SGIP1: variants seen among roughly 807,000 people sequenced by gnomAD.
SGIP1 encodes SH3GL interacting endocytic adaptor 1.
SGIP1 carries 38 observed loss-of-function variants against 107.5 expected under a neutral mutation model. That is an observed-to-expected ratio of 0.35 (90% CI 0.27 to 0.46). The LOEUF (loss-of-function observed/expected upper bound fraction) is 0.46, where lower values mean the gene tolerates loss of function less well. Ranked by LOEUF, SGIP1 falls within the 20% of genes least tolerant of loss-of-function variation. The pLI, the probability that SGIP1 is intolerant of heterozygous loss-of-function variation, is 1.00. For synonymous variants in SGIP1, 365 were observed against 366.1 expected (o/e 1.00, Z 0.03); for missense variants, 929 against 1,019.5 (o/e 0.91, Z 1.21).
intron 8 of SGIP1, among the ~76,000 whole-genome samples, chr1:66,665,557 A>C (rs1419259598): frequency 1.3e-5 from 2 of 152,230 alleles, no homozygotes; most frequent in Admixed American, 6.5e-5. Flanking sequence ...ACTGCCTTCC[A>C]CAATGGTTGA....
intron 1 of SGIP1, among the ~76,000 whole-genome samples, chr1:66,614,398 G>A (rs1012557321): frequency 6.6e-6 from 1 of 152,188 alleles, no homozygotes; most frequent in Non-Finnish European, 1.5e-5. Flanking sequence ...AGGATGGATG[G>A]ATGGAGGACA....
At chr1:66,719,257 A>ATTTTCAAAATAAATGAAAAT in intron 18 of SGIP1, 37 bp from the exon 19 acceptor site, 1 of 1,441,490 alleles carries the variant, frequency 6.9e-7, no homozygotes, top group Non-Finnish European at 9.7e-7. Flanking sequence ...AGTGTCTCCT[A>ATTTTCAAAATAAATGAAAAT]TTTTCATAAT....
intron 1 of SGIP1, 56 bp downstream of exon 1, chr1:66,534,424 C>G (rs771669419): frequency 6.1e-5 from 98 of 1,600,244 alleles, no homozygotes; most frequent in Admixed American, 8.3e-5. Flanking sequence ...GGCAGAACAG[C>G]ATTAAAGAAT....
rs1237787525 is a variant in SGIP1, at chr1:66,736,151, CAT to C, written c.2031+2275_2031+2276del. 2.7e-5 allele frequency among the ~76,000 whole-genome samples: 4 copies of C among 146,660 alleles called. No individual in the cohort carries two copies. In the South Asian group the frequency reaches 6.3e-4, roughly 23 times the overall value. On this transcript the variant is annotated intron_variant, in intron 21 of 24. Transcript: ENST00000371037. ...CATATAAAACCTATACAATCTATAA[CAT>C]ATAAAATAACACATTATATTCATAA...
intron 1 of SGIP1, among the ~76,000 whole-genome samples, chr1:66,584,838 T>G (rs1402187755): frequency 1.3e-5 from 2 of 152,196 alleles, no homozygotes. Flanking sequence ...TGTGGGGATT[T>G]CTTTCCTGGT....
intron 3 of SGIP1, among the ~76,000 whole-genome samples, chr1:66,635,452 A>G (rs1415793707): frequency 1.3e-5 from 2 of 152,068 alleles, no homozygotes; most frequent in South Asian, 4.1e-4. Context: ...GTCATTTTTT[A>G]TCACCCTGAA....
intron 12 of SGIP1, 42 bp from the exon 13 acceptor site, chr1:66,676,962 T>A: frequency 2.0e-6 from 3 of 1,529,540 alleles, no homozygotes; most frequent in Non-Finnish European, 1.8e-6. Context: ...GTATGGGGAT[T>A]TTTTTTAACT....
chr1:66,582,685 G>A (rs181264547), intron 1 of SGIP1, among the ~76,000 whole-genome samples: 193 of 151,932 alleles, frequency 1.3e-3, no homozygotes, highest in African/African-American at 4.3e-3. Context: ...ATAAATATCT[G>A]AATTACACAT....
At chr1:66,579,780 C>T (rs1040876160) in intron 1 of SGIP1, among the ~76,000 whole-genome samples, 2 of 152,184 alleles carry the variant, frequency 1.3e-5, no homozygotes, top group African/African-American at 2.4e-5. Flanking sequence ...TGTTACAAAA[C>T]CTTTCTGAGC....
In SGIP1 at chr1:66,721,597, C is replaced by T. The variant is rs907659289; in HGVS notation, c.1742+2192C>T. On this transcript the variant is annotated intron_variant, in intron 19 of 24. Transcript: ENST00000371037. ...CTAATTTTTGTATTTTTTTTAGCGA[C>T]GGGGTTTTTTCATATTGCCCAGGCT... is the stretch of plus-strand genomic sequence containing the variant. 1.1e-4 allele frequency among the ~76,000 whole-genome samples: 17 copies of T among 152,030 alleles called. 3 individuals are homozygous for T. The highest frequency in any genetic ancestry group is 6.2e-4 in the South Asian group (3 of 4,808).
chr1:66,618,573 C>G (rs2070061554), intron 1 of SGIP1, among the ~76,000 whole-genome samples: 1 of 152,172 alleles, frequency 6.6e-6, no homozygotes, highest in Non-Finnish European at 1.5e-5. Context: ...GGTCTTGTTA[C>G]TCATTTGTTT....
chr1:66,602,113 A>G (rs946076979), intron 1 of SGIP1, among the ~76,000 whole-genome samples: 2 of 152,220 alleles, frequency 1.3e-5, no homozygotes, highest in African/African-American at 2.4e-5. Context: ...AAAGCAGAAC[A>G]TTGGCCTCTC....
intron 12 of SGIP1, among the ~76,000 whole-genome samples, chr1:66,675,764 A>C (rs939246412): frequency 4.0e-5 from 6 of 150,766 alleles, no homozygotes; most frequent in Admixed American, 4.0e-4. Flanking sequence ...GAACTCCTGG[A>C]CTCATGTAAT....
chr1:66,638,745 C>T (rs932758916), intron 4 of SGIP1, among the ~76,000 whole-genome samples: 2 of 152,250 alleles, frequency 1.3e-5, no homozygotes, highest in East Asian at 1.9e-4. Flanking sequence ...AATCTAATTT[C>T]TCCACCCATT....
intron 1 of SGIP1, among the ~76,000 whole-genome samples, chr1:66,539,000 C>T (rs2054260588): frequency 6.6e-6 from 1 of 152,050 alleles, no homozygotes; most frequent in South Asian, 2.1e-4. Flanking sequence ...TCAATTTTAC[C>T]CTCATACTTG....
intron 1 of SGIP1, among the ~76,000 whole-genome samples, chr1:66,615,614 C>A (rs1411250747): frequency 2.0e-5 from 3 of 152,110 alleles, no homozygotes; most frequent in African/African-American, 7.2e-5. Context: ...CTTTTGAATT[C>A]ATTTTCTTGT....
intron 15 of SGIP1, chr1:66,684,323 CAA>C (rs1199285354): frequency 1.5e-6 from 2 of 1,307,158 alleles, no homozygotes; most frequent in African/African-American, 3.0e-5. Flanking sequence ...ACAAGATCAC[CAA>C]AAGTCTTCTC....
At chr1:66,646,757 T>C (rs1395529659) in intron 7 of SGIP1, among the ~76,000 whole-genome samples, 1 of 152,202 alleles carries the variant, frequency 6.6e-6, no homozygotes, top group Admixed American at 6.5e-5. Context: ...AAGATTTTAA[T>C]TGCTGGCAAC....
chr1:66,721,666 C>T (rs2093543451), intron 19 of SGIP1, among the ~76,000 whole-genome samples: 3 of 152,140 alleles, frequency 2.0e-5, no homozygotes. Flanking sequence ...ACCTTGGCCT[C>T]CCAAAGAGCT....
Sources: gnomAD v4.1 joint callset for allele counts (sites outside exome capture counted in the v4.1 genomes callset) on GRCh38, gnomAD v4.1.1 for gene constraint, MANE v1.5 for transcripts, NCBI Gene and HGNC (gene_info 2026-07-23, HGNC 2026-07-21) for gene names.